The following TENM1 variants were observed in gnomAD, a reference collection of about 807,000 sequenced individuals.
TENM1 encodes the protein teneurin-1.
Under a neutral mutation model 174.8 loss-of-function variants are expected in TENM1, and 35 were observed. The ratio of observed to expected loss-of-function variants is 0.20; its 90% CI spans 0.15 to 0.27. The LOEUF is 0.27. TENM1 is among the 10% of genes least tolerant of loss of function. The pLI is 1.00. For synonymous variants in TENM1, 781 were observed against 798.7 expected, an observed-to-expected ratio of 0.98 and a Z score of 0.37; for missense variants, 1,633 against 2,130.1, an observed-to-expected ratio of 0.77 and a Z score of 4.59.
chrX:125,011,738 T>C, the TENM1 span, among the ~76,000 whole-genome samples: 1 of 111,678 alleles, frequency 9.0e-6, no homozygotes, highest in South Asian at 3.8e-4. Flanking sequence ...CACTGTTGAT[T>C]GGAATGTAAA....
chrX:124,797,342 T>C (rs968885651), intron 3 of TENM1, among the ~76,000 whole-genome samples: 3 of 111,673 alleles, frequency 2.7e-5, no homozygotes, highest in African/African-American at 6.5e-5. Flanking sequence ...AGCACATAGT[T>C]CCTTGGGGCT....
the TENM1 span, among the ~76,000 whole-genome samples, chrX:125,016,695 C>T: frequency 1.8e-5 from 2 of 111,627 alleles, no homozygotes; most frequent in Non-Finnish European, 3.8e-5. Flanking sequence ...ATTTTCTTCA[C>T]ATAATTAGAA....
chrX:124,953,004 C>A (rs150140843), intron 1 of TENM1, among the ~76,000 whole-genome samples: 1,570 of 111,275 alleles, frequency 0.014, 10 homozygotes, highest in Middle Eastern at 0.032. Context: ...CACCTCTAGA[C>A]CCTTTCAGAA....
intron 22 of TENM1, among the ~76,000 whole-genome samples, chrX:124,470,546 T>C (rs2061288084): frequency 9.0e-6 from 1 of 111,580 alleles, no homozygotes; most frequent in Non-Finnish European, 1.9e-5. Context: ...ACCATAGACA[T>C]TTTATTACTT....
chrX:124,875,251 C>T (rs1404777732), intron 3 of TENM1, among the ~76,000 whole-genome samples: 2 of 110,704 alleles, frequency 1.8e-5, no homozygotes, highest in African/African-American at 6.6e-5. Context: ...TATTCTCAGG[C>T]ATTTTGATTG....
Position 124,743,684 on chromosome X carries a change from GCCCTCTCA to G in TENM1, c.536-6495_536-6488del, listed in dbSNP as rs1407658272. On this transcript the variant is annotated intron_variant, in intron 3 of 31. Transcript: ENST00000422452. ...TACATCCCTTTGAGGACTTTGAATGGCCCTCTCACTAAGCCAGCAGGTAAGATATAGTA... is the reference window on the plus strand; with the variant it reads ...TACATCCCTTTGAGGACTTTGAATGGCTAAGCCAGCAGGTAAGATATAGTA... Among the ~76,000 whole-genome samples the G allele has an allele frequency of 5.4e-5, 6 of 111,582 alleles. No homozygotes were observed. In the Admixed American group the frequency reaches 5.7e-4, roughly 11 times the overall value.
intron 16 of TENM1, 143 bp from the exon 20 acceptor site, chrX:124,523,768 C>T (rs954662601): frequency 1.7e-6 from 1 of 602,316 alleles, no homozygotes; most frequent in African/African-American, 2.3e-5. Context: ...TAAATTCTCT[C>T]TAGCAATGTA....
intron 1 of TENM1, among the ~76,000 whole-genome samples, chrX:124,914,180 C>G (rs1166964432): frequency 1.8e-5 from 2 of 112,044 alleles, no homozygotes; most frequent in Non-Finnish European, 3.8e-5. Flanking sequence ...TCTCTTACTA[C>G]ATGTATATCT....
the TENM1 span, among the ~76,000 whole-genome samples, chrX:124,997,658 A>G: frequency 9.0e-6 from 1 of 111,214 alleles, no homozygotes; most frequent in African/African-American, 3.3e-5. Context: ...AGGTCAAGTG[A>G]ACGATAAGAA....
chrX:124,584,988 A>T (rs1235030897), intron 11 of TENM1, among the ~76,000 whole-genome samples: 1 of 110,213 alleles, frequency 9.1e-6, no homozygotes, highest in Non-Finnish European at 1.9e-5. Context: ...AGGGCTAACT[A>T]TCCTAAATAT....
At chrX:124,559,428 G>A (rs1342076614) in intron 14 of TENM1, among the ~76,000 whole-genome samples, 1 of 111,582 alleles carries the variant, frequency 9.0e-6, no homozygotes, top group Non-Finnish European at 1.9e-5. Flanking sequence ...AGCACTTTCA[G>A]AGGCTGAGGC....
At chrX:124,767,114 A>C (rs1182298752) in intron 3 of TENM1, among the ~76,000 whole-genome samples, 1 of 111,477 alleles carries the variant, frequency 9.0e-6, no homozygotes, top group Non-Finnish European at 1.9e-5. Context: ...TAAGCCACGC[A>C]CATCTGTGTT....
At chrX:124,939,692 G>A (rs373786621) in intron 1 of TENM1, among the ~76,000 whole-genome samples, 2 of 110,814 alleles carry the variant, frequency 1.8e-5, no homozygotes, top group East Asian at 2.8e-4. Flanking sequence ...CACTCACAGC[G>A]GCCCTCTTTC....
At chrX:125,155,679 T>TA in the TENM1 span, among the ~76,000 whole-genome samples, 1 of 63 alleles carries the variant, frequency 0.016, no homozygotes, top group Non-Finnish European at 0.03. Context: ...GGGCCGGCAC[T>TA]GTGGGGGACC....
At chrX:124,542,756 A>G (rs1317664060) in intron 15 of TENM1, among the ~76,000 whole-genome samples, 1 of 111,404 alleles carries the variant, frequency 9.0e-6, no homozygotes, top group East Asian at 2.8e-4. Flanking sequence ...CCACTGGCCT[A>G]GAGGAGTTTA....
At chrX:124,456,100 G>A (rs1368007882) in intron 22 of TENM1, among the ~76,000 whole-genome samples, 1 of 111,893 alleles carries the variant, frequency 8.9e-6, no homozygotes, top group East Asian at 2.8e-4. Flanking sequence ...CATGTCAGCT[G>A]AGTTCCACAG....
chrX:125,162,620 G>C, the TENM1 span, among the ~76,000 whole-genome samples: 1 of 111,004 alleles, frequency 9.0e-6, no homozygotes, highest in African/African-American at 3.3e-5. Context: ...CATTTTCATT[G>C]GCTACTCTTC....
At chrX:124,674,047 G>A (rs779961515) in intron 5 of TENM1, among the ~76,000 whole-genome samples, 7 of 110,129 alleles carry the variant, frequency 6.4e-5, no homozygotes, top group Non-Finnish European at 1.3e-4. Context: ...GGGGTTGTTG[G>A]GTGTCTGGGA....
chrX:124,921,892 C>G (rs2058027761), intron 1 of TENM1, among the ~76,000 whole-genome samples: 1 of 111,467 alleles, frequency 9.0e-6, no homozygotes, highest in South Asian at 3.7e-4. Flanking sequence ...CAAAGTATTT[C>G]ATTAATACTT....
Sources: allele counts gnomAD v4.1 joint callset (sites outside exome capture counted in the v4.1 genomes callset), GRCh38; gene constraint gnomAD v4.1.1; transcripts MANE v1.5; gene names NCBI Gene and HGNC (gene_info 2026-07-23, HGNC 2026-07-21).